The following ALDH1A2 variants were observed in gnomAD, a reference collection of about 807,000 sequenced individuals.
ALDH1A2 encodes aldehyde dehydrogenase 1 family member A2, also known as retinal dehydrogenase 2.
In ALDH1A2, 27 loss-of-function variants were observed where a neutral mutation model predicts 60.3. The observed-to-expected ratio is 0.45, with a 90% confidence interval of 0.33 to 0.62. ALDH1A2 has a LOEUF of 0.62. Ranked by LOEUF, ALDH1A2 falls within the 20% of genes least tolerant of loss-of-function variation. The pLI is 0.02. For missense variants in ALDH1A2, 581 were observed against 643.8 expected (o/e 0.90, Z 1.06); for synonymous variants, 289 against 232.4 (o/e 1.24, Z -2.21).
In ALDH1A2 at chr15:58,035,773, T is replaced by G. The variant is rs1292599848; in HGVS notation, c.118-21492A>C. 4.6e-5 allele frequency among the ~76,000 whole-genome samples: 7 copies of G among 151,890 alleles called. No homozygotes were observed. In the East Asian group the frequency reaches 1.4e-3, roughly 29 times the overall value. ...CACTGTAATCTGAGAATATCTTTTT[T>G]GCATAATTTCTACTTTTTTAAACTT... On this transcript the variant is annotated intron_variant, in intron 1 of 12. Transcript: ENST00000249750.
chr15:58,050,437 G>T (rs1306452049), intron 1 of ALDH1A2, among the ~76,000 whole-genome samples: 2 of 151,984 alleles, frequency 1.3e-5, no homozygotes, highest in South Asian at 2.1e-4. Context: ...TTTAAGTATG[G>T]GAAATCATAG....
chr15:57,965,192 G>A (rs976917521), intron 8 of ALDH1A2, among the ~76,000 whole-genome samples: 19 of 152,122 alleles, frequency 1.2e-4, no homozygotes, highest in Admixed American at 2.6e-4. Context: ...AATCATCCCA[G>A]CTTTAGGACT....
intron 7 of ALDH1A2, among the ~76,000 whole-genome samples, chr15:57,983,686 A>C (rs1381866328): frequency 6.6e-6 from 1 of 152,194 alleles, no homozygotes; most frequent in Non-Finnish European, 1.5e-5. Flanking sequence ...TGACATTTTT[A>C]GGTAATGATG....
At chr15:57,973,089 G>GTAGTT (rs1408014271) in intron 7 of ALDH1A2, among the ~76,000 whole-genome samples, 2 of 152,210 alleles carry the variant, frequency 1.3e-5, no homozygotes, top group African/African-American at 4.8e-5. Context: ...GGACTCTGCT[G>GTAGTT]TAGTTTGCTT....
chr15:58,023,060 G>A (rs1006833364), intron 1 of ALDH1A2, among the ~76,000 whole-genome samples: 1 of 152,104 alleles, frequency 6.6e-6, no homozygotes, highest in Non-Finnish European at 1.5e-5. Context: ...AAGAATCTTA[G>A]TGAGATACAA....
chr15:58,037,648 T>C (rs992745017), intron 1 of ALDH1A2, among the ~76,000 whole-genome samples: 1 of 151,744 alleles, frequency 6.6e-6, no homozygotes, highest in East Asian at 1.9e-4. Context: ...ACCTAGATTA[T>C]GCTTTTGGTT....
At chr15:57,977,322 C>T (rs1220935296) in intron 7 of ALDH1A2, among the ~76,000 whole-genome samples, 2 of 152,166 alleles carry the variant, frequency 1.3e-5, no homozygotes, top group African/African-American at 2.4e-5. Flanking sequence ...TTGCCCATGC[C>T]TATGTCCTGA....
intron 7 of ALDH1A2, among the ~76,000 whole-genome samples, chr15:57,981,644 G>A (rs1392666865): frequency 5.3e-5 from 8 of 152,134 alleles, no homozygotes; most frequent in African/African-American, 1.7e-4. Context: ...TCACACAGCA[G>A]GAAAGCTGGA....
intron 1 of ALDH1A2, among the ~76,000 whole-genome samples, chr15:58,032,396 C>A (rs1352285039): frequency 6.6e-6 from 1 of 152,032 alleles, no homozygotes; most frequent in Non-Finnish European, 1.5e-5. Context: ...AGGAGATATA[C>A]CTAATGTTAA....
chr15:58,012,114 C>T (rs1387352135), intron 3 of ALDH1A2: 5 of 152,072 alleles, frequency 3.3e-5, no homozygotes, highest in Admixed American at 2.0e-4. Context: ...GTGTTTAAAA[C>T]AGGAATCTCA....
In ALDH1A2 at chr15:57,954,643, T is replaced by G. The variant is rs1156987844; in HGVS notation, c.*554A>C. ...CCTGGCATTTTCATTCTGGTCTGAC[T>G]CTAGCTAAAACCATTTCATGTTTTG... On this transcript the variant is annotated 3_prime_UTR_variant, in exon 13 of 13. Transcript: ENST00000249750. 5.6e-6 allele frequency: 1 copy of G among 178,080 alleles called. No homozygotes were observed. The highest frequency in any genetic ancestry group is 1.2e-5 in the Non-Finnish European group (1 of 81,250). 11.0% of individuals were successfully genotyped at this position (178,080 alleles called of 1,614,324 possible).
intron 7 of ALDH1A2, among the ~76,000 whole-genome samples, chr15:57,987,230 G>A (rs1894734026): frequency 6.6e-6 from 1 of 151,980 alleles, no homozygotes; most frequent in Non-Finnish European, 1.5e-5. Flanking sequence ...GTAAACAGAA[G>A]GCGGAAGTAG....
chr15:57,985,084 G>A (rs1245472063), intron 7 of ALDH1A2, among the ~76,000 whole-genome samples: 1 of 152,082 alleles, frequency 6.6e-6, no homozygotes, highest in Non-Finnish European at 1.5e-5. Context: ...GTTTTCTTGT[G>A]ATATCTTTGT....
At chr15:58,065,122 G>C (rs748600344) in intron 1 of ALDH1A2, 4 of 285,240 alleles carry the variant, frequency 1.4e-5, no homozygotes, top group African/African-American at 9.3e-5. Context: ...CGAGGGGCCC[G>C]GAAGGCGGAG....
chr15:58,014,773 C>A (rs1895741773), intron 1 of ALDH1A2, among the ~76,000 whole-genome samples: 1 of 152,190 alleles, frequency 6.6e-6, no homozygotes, highest in Non-Finnish European at 1.5e-5. Flanking sequence ...TGACTCTAAC[C>A]AAACTAACTA....
At chr15:58,033,850 A>ATT (rs71297621) in intron 1 of ALDH1A2, among the ~76,000 whole-genome samples, 7,579 of 146,060 alleles carry the variant, frequency 0.052, 321 homozygotes, top group African/African-American at 0.11. Context: ...ATTTTTCTGT[A>ATT]TTTTTTTTTT....
At chr15:58,017,235 C>G (rs1895813635) in intron 1 of ALDH1A2, among the ~76,000 whole-genome samples, 1 of 152,112 alleles carries the variant, frequency 6.6e-6, no homozygotes, top group Non-Finnish European at 1.5e-5. Flanking sequence ...CCTGGACCAT[C>G]CTGCTCTGAT....
chr15:57,955,083 C>T lies in ALDH1A2; in HGVS notation c.*114G>A, dbSNP rs983373135. ...CTGCCTGGCCTACATGTTATCTTTT[C>T]AATCTTTAAGTAAGGACCGTGGCTC... On this transcript the variant is annotated 3_prime_UTR_variant, in exon 13 of 13. Coordinates refer to ENST00000249750, the MANE Select transcript of ALDH1A2 (RefSeq NM_003888.4). The T allele has an allele frequency of 4.3e-6, 5 of 1,174,612 alleles. No homozygotes were observed. Among genetic ancestry groups the T allele is most frequent in the Non-Finnish European group, 6.4e-6 (5 of 780,000 alleles). The allele number at this position is 1,174,612 out of a possible 1,614,324, so 72.8% of individuals were successfully genotyped here.
intron 7 of ALDH1A2, among the ~76,000 whole-genome samples, chr15:57,983,283 C>G (rs1894577741): frequency 6.6e-6 from 1 of 152,150 alleles, no homozygotes; most frequent in Non-Finnish European, 1.5e-5. Flanking sequence ...ATAAATGATA[C>G]CACTATTTGT....
Sources: allele counts gnomAD v4.1 joint callset (sites outside exome capture counted in the v4.1 genomes callset), GRCh38; gene constraint gnomAD v4.1.1; transcripts MANE v1.5; gene names NCBI Gene and HGNC (gene_info 2026-07-23, HGNC 2026-07-21).